Variants in DDX20 observed in about 807,000 individuals in gnomAD.
The protein encoded by DDX20 is DEAD-box helicase 20.
A neutral mutation model predicts 76.4 loss-of-function variants in DDX20; 61 were observed. That is an observed-to-expected ratio of 0.80 (90% CI 0.65 to 0.99). The LOEUF is 0.99. Among genes scored for constraint, DDX20 ranks in the 50% least tolerant of loss-of-function variants. The pLI is 0.00. For synonymous variants in DDX20, 357 were observed against 357.4 expected, an observed-to-expected ratio of 1.00 and a Z score of 0.01; for missense variants, 976 against 996.8, an observed-to-expected ratio of 0.98 and a Z score of 0.28.
Position 111,767,258 on chromosome 1 carries a change from T to A in DDX20, c.*359T>A, listed in dbSNP as rs1663802813. 5.8e-6 allele frequency: 1 copy of A among 173,022 alleles called. No individual in the cohort carries two copies. The highest frequency in any genetic ancestry group is 2.4e-5 in the African/African-American group (1 of 41,848). 10.7% of individuals were successfully genotyped at this position (173,022 alleles called of 1,614,324 possible). ...AAACAATAAAAGCAATAGATTTGAT[T>A]AGTAATATTATTGCTGTGGAGTTCT... On this transcript the variant is annotated 3_prime_UTR_variant, in exon 11 of 11. Transcript: ENST00000369702.
chr1:111,766,027 G>T lies in DDX20; in HGVS notation c.1603G>T (p.Glu535Ter). ...CATAGAAAAAGCAACGTCACCAAAA[G>T]AACTGGGCTGTGACAGGCAATCCGA... ...GIIEKATSPK[E>*]LGCDRQSEEQ... The change falls in exon 11 of 11, where the codon GAA (glutamate) becomes TAA (stop). Residue 535 changes from glutamate (E) to a stop codon, truncating the protein, a stop_gained. Transcript: ENST00000369702. LOFTEE classifies it high-confidence loss of function. The T allele has an allele frequency of 1.2e-6, 2 of 1,614,128 alleles. No homozygotes were observed. The highest frequency in any genetic ancestry group is 1.7e-6 in the Non-Finnish European group (2 of 1,180,012).
Position 111,767,778 on chromosome 1 carries a change from CCTG to C in DDX20, c.*882_*884del, listed in dbSNP as rs1663813059. ...CTATACAGTCCAGATTAACAAGTGA[CCTG>C]CTCTGCTGGTAGGCTAGGGGAAGTT... On this transcript the variant is annotated 3_prime_UTR_variant, in exon 11 of 11. Coordinates refer to ENST00000369702, the MANE Select transcript of DDX20 (RefSeq NM_007204.5). 2 of 152,142 alleles carry C rather than the reference CCTG, an allele frequency of 1.3e-5. No homozygotes were observed. The highest frequency in any genetic ancestry group is 4.8e-5 in the African/African-American group (2 of 41,434). The allele number at this position is 152,142 out of a possible 1,614,324, so 9.4% of individuals were successfully genotyped here.
At position 111,761,143 on chromosome 1, in the gene DDX20, G is replaced by A; in HGVS notation, c.962+18G>A. On this transcript the variant is annotated intron_variant, in intron 6 of 10. Coordinates refer to ENST00000369702, the MANE Select transcript of DDX20 (RefSeq NM_007204.5). ...CACAGCAGGTAATGTAACTTAAAAG[G>A]TCATCTGGGGAACTTGTGAAATAAA... 3 of 1,612,134 alleles carry A rather than the reference G, an allele frequency of 1.9e-6. No homozygotes were observed. The highest frequency in any genetic ancestry group is 2.5e-6 in the Non-Finnish European group (3 of 1,179,102).
rs748904955 is a variant in DDX20 at position 111,766,188 on chromosome 1, G to C, written c.1764G>C (p.Thr588=). ...CCTTTAAAATCCATCAGCCATACAC[G>C]TTGACTTTTGCTGAATTGGTAGAGG... ...LSSFKIHQPY[T]LTFAELVEDY... is the part of the protein sequence containing the mutation. Residue 588 remains threonine (T), a synonymous_variant, in exon 11 of 11, where the codon ACG becomes ACC. Transcript: ENST00000369702. 5.0e-6 allele frequency: 8 copies of C among 1,614,130 alleles called. No individual in the cohort carries two copies. Among genetic ancestry groups the C allele is most frequent in the South Asian group, 4.4e-5 (4 of 91,090 alleles).
At chr1:111,763,310 G>T (rs770061711) in intron 10 of DDX20, among the ~76,000 whole-genome samples, 1 of 152,162 alleles carries the variant, frequency 6.6e-6, no homozygotes, top group African/African-American at 2.4e-5. Context: ...AGTGGCTCAC[G>T]CCTGTAATCC....
Position 111,766,250 on chromosome 1 carries a change from C to A in DDX20, c.1826C>A (p.Pro609His). The A allele has an allele frequency of 6.2e-7, 1 of 1,614,130 alleles. No homozygotes were observed. The highest frequency in any genetic ancestry group is 8.5e-7 in the Non-Finnish European group (1 of 1,180,012). ...EHYIKEGLEK[P>H]VEIIRHYTGP... ...TATATTAAAGAGGGGTTAGAGAAACCTGTGGAAATCATCAGGCACTACACA... is the reference window on the plus strand; with the variant it reads ...TATATTAAAGAGGGGTTAGAGAAACATGTGGAAATCATCAGGCACTACACA... Residue 609 changes from proline (P) to histidine (H), a missense_variant, in exon 11 of 11, where the codon CCT (proline) becomes CAT (histidine). By Grantham distance (77) the Pro-to-His change is moderately conservative (BLOSUM62 -2). Coordinates refer to ENST00000369702, the MANE Select transcript of DDX20 (RefSeq NM_007204.5).
Position 111,760,771 on chromosome 1 carries a change from T to C in DDX20, c.746T>C (p.Phe249Ser). 6.2e-7 allele frequency: 1 copy of C among 1,613,866 alleles called. No individual in the cohort carries two copies. The highest frequency in any genetic ancestry group is 2.2e-5 in the East Asian group (1 of 44,862). The change falls in exon 5 of 11, where the codon TTT becomes TCT. Residue 249 changes from phenylalanine to serine, a missense_variant. Coordinates refer to ENST00000369702, the MANE Select transcript of DDX20 (RefSeq NM_007204.5). ...MLAVSATYPEFLANALTKYMR... is the reference protein window; with the variant it reads ...MLAVSATYPESLANALTKYMR... The stretch of plus-strand genomic sequence containing the variant: ...GCAGTATCAGCTACTTATCCCGAAT[T>C]TTTGGCTAATGCTTTGACAAAGTAC...
Position 111,766,442 on chromosome 1 carries a change from A to G in DDX20, c.2018A>G (p.Tyr673Cys), listed in dbSNP as rs749396424. Residue 673 changes from tyrosine (Y) to cysteine (C), a missense_variant, in exon 11 of 11, where the codon TAC (tyrosine) becomes TGC (cysteine). Around this residue, in one of 3 missense-constraint regions of DDX20, gnomAD observed 630 missense variants for 693.7 expected, o/e 0.91. Coordinates refer to ENST00000369702, the MANE Select transcript of DDX20 (RefSeq NM_007204.5). ...TCCCAGAGCAAAGGAAATAAGTCAT[A>G]CTTGGAAGGCTCTTCTGATAATCAG... ...TSSQSKGNKS[Y>C]LEGSSDNQLK... The G allele has an allele frequency of 1.2e-6, 2 of 1,614,188 alleles. No homozygotes were observed. The highest frequency in any genetic ancestry group is 4.5e-5 in the East Asian group (2 of 44,892).
intron 7 of DDX20, 35 bp from the exon 8 acceptor site, chr1:111,762,217 AGTT>A (rs774930077): frequency 1.3e-6 from 2 of 1,533,492 alleles, no homozygotes; most frequent in East Asian, 2.3e-5. Flanking sequence ...GTATTAGCTT[AGTT>A]GTTTTTATGT....
In DDX20 at chr1:111,761,129, ATGTAAC is replaced by A. The variant is rs1663666522; in HGVS notation, c.962+6_962+11del. 1.2e-6 allele frequency: 2 copies of A among 1,612,898 alleles called. No homozygotes were observed. Among genetic ancestry groups the A allele is most frequent in the Non-Finnish European group, 1.7e-6 (2 of 1,179,538 alleles). Reference sequence around the variant, plus strand: ...TCTTTTCTAATTTGCACAGCAGGTAATGTAACTTAAAAGGTCATCTGGGGAACTTGT... The same window carrying A: ...TCTTTTCTAATTTGCACAGCAGGTAATTAAAAGGTCATCTGGGGAACTTGT... On this transcript the variant is annotated splice_donor_5th_base_variant and intron_variant, in intron 6 of 10. Transcript: ENST00000369702.
rs770181504 is a variant in DDX20, at chr1:111,761,297, CTTACT to C, written c.1021+17_1021+21del. 1.9e-5 allele frequency: 31 copies of C among 1,608,300 alleles called. No homozygotes were observed. On this transcript the variant is annotated intron_variant, in intron 7 of 10. Coordinates refer to ENST00000369702, the MANE Select transcript of DDX20 (RefSeq NM_007204.5). ...GAGTGCATTTCAGGTAAGTTCATCTCTTACTTTAATCTTTATTTAGTATACTGACT... is the reference window on the plus strand; with the variant it reads ...GAGTGCATTTCAGGTAAGTTCATCTCTTAATCTTTATTTAGTATACTGACT...
At position 111,756,105 on chromosome 1, in the gene DDX20, C is replaced by T. The variant is rs761190883; in HGVS notation, c.181C>T (p.Pro61Ser). 52 of 1,599,004 alleles carry T rather than the reference C, an allele frequency of 3.3e-5. 1 individual carries two copies. The highest frequency in any genetic ancestry group is 3.2e-4 in the Admixed American group (19 of 59,698). Residue 61 changes from proline (P) to serine (S), a missense_variant, in exon 1 of 11, where the codon CCG becomes TCG. Physicochemically the swap from Pro to Ser is moderately conservative, Grantham distance 74. Around this residue, in one of 3 missense-constraint regions of DDX20, gnomAD observed 343 missense variants for 286.4 expected, o/e 1.20. Transcript: ENST00000369702. Reference protein sequence around the residue: ...TRTGDVLLAEPADFESLLLSR... With the variant: ...TRTGDVLLAESADFESLLLSR... ...CACGGGGGATGTGCTGTTGGCGGAGCCGGCCGACTTCGAGTCACTGCTGCT... is the reference window on the plus strand; with the variant it reads ...CACGGGGGATGTGCTGTTGGCGGAGTCGGCCGACTTCGAGTCACTGCTGCT...
Position 111,759,523 on chromosome 1 carries a change from G to A in DDX20, c.520G>A (p.Asp174Asn), listed in dbSNP as rs752481715. 5.6e-6 allele frequency: 9 copies of A among 1,613,758 alleles called. No homozygotes were observed. The East Asian group carries it at 2.0e-4, about 36-fold the overall frequency. ...TATTGGAGGGACCCCATTATCACAA[G>A]ACAAAACCAGACTTAAAAAGTGTCA... ...VFIGGTPLSQ[D>N]KTRLKKCHIA... Residue 174 changes from aspartate (D) to asparagine (N), a missense_variant, in exon 3 of 11, where the codon GAC becomes AAC. Coordinates refer to ENST00000369702, the MANE Select transcript of DDX20 (RefSeq NM_007204.5).
At chr1:111,759,705 T>G in intron 3 of DDX20, 137 bp downstream of exon 3, 1 of 942,386 alleles carries the variant, frequency 1.1e-6, no homozygotes, top group Non-Finnish European at 1.5e-6. Context: ...CCGGGCGCGG[T>G]GGCTCACGCC....
At position 111,767,068 on chromosome 1, in the gene DDX20, G is replaced by C; in HGVS notation, c.*169G>C. 2.0e-6 allele frequency: 1 copy of C among 501,690 alleles called. No individual in the cohort carries two copies. Among genetic ancestry groups the C allele is most frequent in the Non-Finnish European group, 3.5e-6 (1 of 287,308 alleles). The allele number at this position is 501,690 out of a possible 1,614,324, so 31.1% of individuals were successfully genotyped here. ...CATTTTTCAGATTGTTTTGATTTAG[G>C]CCAGGTATATTATCTTCATTTTTAA... On this transcript the variant is annotated 3_prime_UTR_variant, in exon 11 of 11. Coordinates refer to ENST00000369702, the MANE Select transcript of DDX20 (RefSeq NM_007204.5).
At chr1:111,763,413 A>T (rs1663713824) in intron 10 of DDX20, among the ~76,000 whole-genome samples, 1 of 152,136 alleles carries the variant, frequency 6.6e-6, no homozygotes, top group African/African-American at 2.4e-5. Context: ...CTCTACTAAA[A>T]ATACAAAAAT....
chr1:111,765,931 G>A lies in DDX20; in HGVS notation c.1507G>A (p.Gly503Arg). 1 of 1,613,608 alleles carries A rather than the reference G, an allele frequency of 6.2e-7. No individual in the cohort carries two copies. The highest frequency in any genetic ancestry group is 1.7e-4 in the Middle Eastern group (1 of 6,060). ...TTCCTCTAGAAATAATTCTGTATCTGGACTATCAGTCAAATCAAAAAATAA... is the reference window on the plus strand; with the variant it reads ...TTCCTCTAGAAATAATTCTGTATCTAGACTATCAGTCAAATCAAAAAATAA... ...MASSRNNSVSGLSVKSKNNTK... is the reference protein window; with the variant it reads ...MASSRNNSVSRLSVKSKNNTK... Residue 503 changes from glycine to arginine, a missense_variant, in exon 11 of 11, where the codon GGA becomes AGA. Gly to Arg is a moderately radical substitution (Grantham distance 125, BLOSUM62 -2). This residue lies in a region of DDX20 where 630 missense variants were observed against 693.7 expected (regional missense o/e 0.91). Coordinates refer to ENST00000369702, the MANE Select transcript of DDX20 (RefSeq NM_007204.5).
chr1:111,766,802 A>C lies in DDX20; in HGVS notation c.2378A>C (p.His793Pro). ...AWQEYYAAAS[H>P]SYYWNAQRHP... is the part of the protein sequence containing the mutation. ...CAAGAATATTATGCTGCCGCTTCTCATTCATATTATTGGAATGCTCAGAGA... is the reference window on the plus strand; with the variant it reads ...CAAGAATATTATGCTGCCGCTTCTCCTTCATATTATTGGAATGCTCAGAGA... The change falls in exon 11 of 11, where the codon CAT becomes CCT. Residue 793 changes from histidine (H) to proline (P), a missense_variant. His to Pro is a moderately conservative substitution (Grantham distance 77). Transcript: ENST00000369702. The C allele has an allele frequency of 6.2e-7, 1 of 1,614,158 alleles. No homozygotes were observed. The highest frequency in any genetic ancestry group is 8.5e-7 in the Non-Finnish European group (1 of 1,179,990).
intron 10 of DDX20, 59 bp downstream of exon 10, chr1:111,763,066 AATG>A: frequency 1.5e-6 from 2 of 1,315,998 alleles, no homozygotes; most frequent in Non-Finnish European, 2.2e-6. Flanking sequence ...GCATAATAAA[AATG>A]ATAATAATAG....
Sources: gnomAD v4.1 joint callset for allele counts (sites outside exome capture counted in the v4.1 genomes callset) on GRCh38, gnomAD v4.1.1 for gene constraint, gnomAD v4.1.1 regional missense constraint, MANE v1.5 for transcripts, NCBI Gene and HGNC (gene_info 2026-07-23, HGNC 2026-07-21) for gene names.